Variants in PHKB observed in about 807,000 individuals in gnomAD.
The protein encoded by PHKB is phosphorylase kinase regulatory subunit beta, also known as phosphorylase b kinase regulatory subunit beta.
Under a neutral mutation model 152.1 loss-of-function variants are expected in PHKB, and 122 were observed. That is an observed-to-expected ratio of 0.80 (90% CI 0.69 to 0.93). The LOEUF (loss-of-function observed/expected upper bound fraction) is 0.93. Among genes scored for constraint, PHKB ranks in the 40% least tolerant of loss-of-function variants. The pLI, the probability that PHKB is intolerant of heterozygous loss-of-function variation, is 0.00. For missense variants in PHKB, 1,304 were observed against 1,328.4 expected (o/e 0.98, Z 0.29); for synonymous variants, 436 against 464.9 (o/e 0.94, Z 0.80).
chr16:47,687,959 A>G (rs1378389678), intron 26 of PHKB, among the ~76,000 whole-genome samples: 3 of 152,174 alleles, frequency 2.0e-5, no homozygotes, highest in Non-Finnish European at 4.4e-5. Context: ...AGGATGCATC[A>G]CTGTTGTTTT....
chr16:47,607,164 G>A (rs984255489), intron 13 of PHKB, among the ~76,000 whole-genome samples: 5 of 152,036 alleles, frequency 3.3e-5, no homozygotes, highest in African/African-American at 1.2e-4. Context: ...GCTTTATTGA[G>A]ATGTGATTTA....
In PHKB at chr16:47,588,891, C is replaced by A; in HGVS notation, c.871-14C>A. 6.2e-7 allele frequency: 1 copy of A among 1,610,278 alleles called. No homozygotes were observed. The highest frequency in any genetic ancestry group is 1.1e-5 in the South Asian group (1 of 90,982). On this transcript the variant is annotated splice_polypyrimidine_tract_variant and intron_variant, in intron 9 of 30. Coordinates refer to ENST00000323584, the MANE Select transcript of PHKB (RefSeq NM_000293.3). Reference sequence around the variant, plus strand: ...CTGTGGACACTCACAGTCTCTCTTTCTCATTGCCTCCAGAATACAGATGCT... The same window carrying A: ...CTGTGGACACTCACAGTCTCTCTTTATCATTGCCTCCAGAATACAGATGCT...
At chr16:47,583,954 T>C (rs1971892915) in intron 8 of PHKB, among the ~76,000 whole-genome samples, 1 of 152,212 alleles carries the variant, frequency 6.6e-6, no homozygotes, top group African/African-American at 2.4e-5. Flanking sequence ...GTTAATTTTA[T>C]TTTTACGGGC....
At chr16:47,567,071 C>T (rs1432970120) in intron 7 of PHKB, among the ~76,000 whole-genome samples, 1 of 152,064 alleles carries the variant, frequency 6.6e-6, no homozygotes, top group Admixed American at 6.5e-5. Flanking sequence ...TTTGACTATT[C>T]AGGATGGTTT....
chr16:47,483,895 G>T (rs1346183811), intron 1 of PHKB, among the ~76,000 whole-genome samples: 1 of 152,310 alleles, frequency 6.6e-6, no homozygotes, highest in Admixed American at 6.5e-5. Context: ...TATGTGCCAG[G>T]CACTGTTGGC....
intron 24 of PHKB, chr16:47,663,944 G>T: frequency 1.6e-6 from 1 of 606,526 alleles, no homozygotes; most frequent in Non-Finnish European, 2.9e-6. Flanking sequence ...ACACTGTAGG[G>T]ATTGAACCTG....
intron 7 of PHKB, among the ~76,000 whole-genome samples, chr16:47,558,745 C>T (rs919838136): frequency 3.9e-5 from 6 of 152,308 alleles, no homozygotes; most frequent in Non-Finnish European, 5.9e-5. Flanking sequence ...GACAGGGTTT[C>T]GCCATGTTGG....
intron 20 of PHKB, among the ~76,000 whole-genome samples, chr16:47,652,432 T>A (rs942840075): frequency 6.6e-6 from 1 of 150,892 alleles, no homozygotes; most frequent in Admixed American, 6.6e-5. Flanking sequence ...CTGGGTTGAA[T>A]GGTAGTTCTG....
At chr16:47,499,703 C>G (rs1343412218) in intron 2 of PHKB, 53 bp from the exon 3 acceptor site, 5 of 1,607,976 alleles carry the variant, frequency 3.1e-6, no homozygotes, top group African/African-American at 1.3e-5. Context: ...ACATTTAGCC[C>G]AAGGAAAGTC....
At chr16:47,681,540 CT>C (rs1973855995) in intron 26 of PHKB, among the ~76,000 whole-genome samples, 1 of 151,782 alleles carries the variant, frequency 6.6e-6, no homozygotes, top group Admixed American at 6.6e-5. Flanking sequence ...TTCTTTGTCT[CT>C]TTTGATCTTT....
chr16:47,553,409 G>C (rs1400357899), intron 7 of PHKB, among the ~76,000 whole-genome samples: 1 of 152,000 alleles, frequency 6.6e-6, no homozygotes, highest in Non-Finnish European at 1.5e-5. Context: ...TCTTCTCTAA[G>C]CTGGTTATTC....
At chr16:47,594,911 A>G (rs946951444) in intron 12 of PHKB, among the ~76,000 whole-genome samples, 2 of 152,188 alleles carry the variant, frequency 1.3e-5, no homozygotes, top group African/African-American at 2.4e-5. Context: ...CCTATCTCAC[A>G]TGAAATTTGT....
At chr16:47,580,544 T>C (rs1298259014) in intron 8 of PHKB, among the ~76,000 whole-genome samples, 186 bp downstream of exon 8, 1 of 150,730 alleles carries the variant, frequency 6.6e-6, no homozygotes, top group Non-Finnish European at 1.5e-5. Context: ...CTAAAGACCA[T>C]TGCTTAATTT....
intron 1 of PHKB, among the ~76,000 whole-genome samples, chr16:47,474,280 A>G (rs1044725617): frequency 6.6e-5 from 10 of 152,184 alleles, no homozygotes; most frequent in Non-Finnish European, 1.2e-4. Flanking sequence ...TGGCAATTTA[A>G]GATTCAAGTC....
At chr16:47,551,352 G>A (rs1438129488) in intron 7 of PHKB, among the ~76,000 whole-genome samples, 1 of 152,096 alleles carries the variant, frequency 6.6e-6, no homozygotes, top group African/African-American at 2.4e-5. Context: ...TGGGCATTTG[G>A]TGCTATAAAT....
intron 26 of PHKB, among the ~76,000 whole-genome samples, chr16:47,674,501 C>A (rs1459826332): frequency 6.6e-6 from 1 of 152,086 alleles, no homozygotes; most frequent in African/African-American, 2.4e-5. Context: ...TCTAGGATAC[C>A]TCTGGCAAAT....
intron 14 of PHKB, among the ~76,000 whole-genome samples, chr16:47,614,519 A>G (rs1972483650): frequency 6.6e-6 from 1 of 152,102 alleles, no homozygotes; most frequent in Non-Finnish European, 1.5e-5. Flanking sequence ...ATGTTTTTTC[A>G]TATATCACTT....
chr16:47,490,460 A>C (rs1314897397), intron 1 of PHKB, among the ~76,000 whole-genome samples: 1 of 152,214 alleles, frequency 6.6e-6, no homozygotes, highest in Non-Finnish European at 1.5e-5. Context: ...AGCAAATATT[A>C]GTATTCACCA....
At chr16:47,491,276 T>C (rs957051417) in intron 1 of PHKB, among the ~76,000 whole-genome samples, 1 of 152,200 alleles carries the variant, frequency 6.6e-6, no homozygotes, top group Non-Finnish European at 1.5e-5. Context: ...TACAGACATA[T>C]AGAACTATGT....
Sources: gnomAD v4.1 joint callset for allele counts (sites outside exome capture counted in the v4.1 genomes callset) on GRCh38, gnomAD v4.1.1 for gene constraint, MANE v1.5 for transcripts, NCBI Gene and HGNC (gene_info 2026-07-23, HGNC 2026-07-21) for gene names.